Variants in MLXIP observed in about 807,000 individuals in gnomAD.
MLXIP encodes the protein MLX interacting protein, also known as MLX-interacting protein.
Under a neutral mutation model 87.2 loss-of-function variants are expected in MLXIP, and 30 were observed. That is an observed-to-expected ratio of 0.34 (90% CI 0.26 to 0.47). The LOEUF (loss-of-function observed/expected upper bound fraction) is 0.47. Ranked by LOEUF, MLXIP falls within the 20% of genes least tolerant of loss-of-function variation. The probability of loss-of-function intolerance (pLI) is 1.00; values close to 1 mark genes in which losing one functional copy is unlikely to be tolerated. For synonymous variants in MLXIP, 530 were observed against 514.0 expected (o/e 1.03, Z -0.42); for missense variants, 1,002 against 1,240.1 (o/e 0.81, Z 2.88).
chr12:122,079,963 G>A (rs1952067964), intron 1 of MLXIP, among the ~76,000 whole-genome samples: 1 of 152,174 alleles, frequency 6.6e-6, no homozygotes, highest in African/African-American at 2.4e-5. Flanking sequence ...AAGTTGGAGG[G>A]TTTTCTGGCC....
rs557568463 is a variant in MLXIP, at chr12:122,144,785, G to A, written c.*2973G>A. 41 of 152,360 alleles carry A rather than the reference G, an allele frequency of 2.7e-4. No homozygotes were observed. Among genetic ancestry groups the A allele is most frequent in the African/African-American group, 9.9e-4 (41 of 41,546 alleles). The allele number at this position is 152,360 out of a possible 1,614,324, so 9.4% of individuals were successfully genotyped here. A position where few individuals can be genotyped will look rare whatever the true frequency, so the allele number is the denominator to read the frequency against. ...GCCTGTAATCCCAGCTACTCGGGAG[G>A]CTGAGTCAGGAGAATCACTTGAACC... On this transcript the variant is annotated 3_prime_UTR_variant, in exon 17 of 17. Transcript: ENST00000319080.
chr12:122,107,371 G>A (rs1466778239), intron 1 of MLXIP, among the ~76,000 whole-genome samples: 4 of 152,166 alleles, frequency 2.6e-5, no homozygotes, highest in Non-Finnish European at 4.4e-5. Context: ...CTCCAGCTCC[G>A]CAGCACCTTT....
At chr12:122,094,731 CAT>C (rs1176635488) in intron 1 of MLXIP, among the ~76,000 whole-genome samples, 3 of 110,474 alleles carry the variant, frequency 2.7e-5, no homozygotes, top group East Asian at 3.0e-4. Flanking sequence ...GGTGTGTTGG[CAT>C]GTGTGTGGTA....
At chr12:122,114,681 A>G (rs1411889074) in intron 1 of MLXIP, among the ~76,000 whole-genome samples, 1 of 151,334 alleles carries the variant, frequency 6.6e-6, no homozygotes, top group African/African-American at 2.4e-5. Context: ...GGGGCCTAGA[A>G]TTCACCTCCC....
chr12:122,103,175 ATATG>A (rs199580759), intron 1 of MLXIP, among the ~76,000 whole-genome samples: 14,931 of 106,956 alleles, frequency 0.14, 986 homozygotes, highest in East Asian at 0.3. Flanking sequence ...GGCTAATTTT[ATATG>A]TATGTATGTA....
intron 1 of MLXIP, among the ~76,000 whole-genome samples, chr12:122,115,930 A>C (rs549090439): frequency 1.3e-5 from 2 of 152,136 alleles, no homozygotes; most frequent in East Asian, 1.9e-4. Context: ...CAGTACCTGT[A>C]ATCCCAGCTA....
At chr12:122,080,727 C>T (rs1278354078) in intron 1 of MLXIP, among the ~76,000 whole-genome samples, 5 of 152,150 alleles carry the variant, frequency 3.3e-5, no homozygotes, top group African/African-American at 1.2e-4. Flanking sequence ...TTTTAAAAAA[C>T]AAATGGTGTT....
intron 1 of MLXIP, among the ~76,000 whole-genome samples, chr12:122,110,454 A>C (rs1312442041): frequency 6.6e-6 from 1 of 151,702 alleles, no homozygotes; most frequent in African/African-American, 2.4e-5. Context: ...CGCCCGGCTA[A>C]TTTTGTATTT....
intron 1 of MLXIP, among the ~76,000 whole-genome samples, chr12:122,101,566 ATTTTTTTCTTT>A (rs1565964452): frequency 2.2e-5 from 3 of 136,620 alleles, no homozygotes; most frequent in Admixed American, 1.5e-4. Context: ...TTATTTATTT[ATTTTTTTCTTT>A]TTTTTTCTTT....
At position 122,133,442 on chromosome 12, in the gene MLXIP, A is replaced by G. The variant is rs7978353; in HGVS notation, c.1187A>G (p.Glu396Gly). 669,355 of 1,612,034 alleles carry G rather than the reference A, an allele frequency of 0.42. 140,412 individuals are homozygous for G. Among genetic ancestry groups the G allele is most frequent in the African/African-American group, 0.5 (37,512 of 74,656 alleles). ...GCCCCATCCCTGGCTCACATGGATGAGCAGGGCTGTGAACACACCTCCCGG... is the reference window on the plus strand; with the variant it reads ...GCCCCATCCCTGGCTCACATGGATGGGCAGGGCTGTGAACACACCTCCCGG... ...PTAPSLAHMD[E>G]QGCEHTSRTE... The change falls in exon 9 of 17, where the codon GAG (glutamate) becomes GGG (glycine). Residue 396 changes from glutamate (E) to glycine (G), a missense_variant. Physicochemically the swap from Glu to Gly is moderately conservative, Grantham distance 98. This residue lies in a region of MLXIP where 746 missense variants were observed against 897.0 expected (regional missense o/e 0.83). Transcript: ENST00000319080. The surrounding 1 kb of genome is among the most constrained non-coding windows in gnomAD (Gnocchi z 4.9).
chr12:122,081,194 C>T (rs1462432125), intron 1 of MLXIP, among the ~76,000 whole-genome samples: 1 of 152,074 alleles, frequency 6.6e-6, no homozygotes, highest in African/African-American at 2.4e-5. Context: ...TTATCTTGCT[C>T]TCTTGGCTCT....
intron 1 of MLXIP, among the ~76,000 whole-genome samples, chr12:122,110,604 T>C (rs1952590441): frequency 6.6e-6 from 1 of 151,748 alleles, no homozygotes; most frequent in Non-Finnish European, 1.5e-5. Flanking sequence ...CGCTTATCTT[T>C]ACCAAAAAAA....
At position 122,130,801 on chromosome 12, in the gene MLXIP, G is replaced by A. The variant is rs576748074; in HGVS notation, c.911-43G>A. Reference sequence around the variant, plus strand: ...GCCTTTTTTACGTTCCTGCAACATTGTCTGAGAAGACAAAATGGTTCCTCT... The same window carrying A: ...GCCTTTTTTACGTTCCTGCAACATTATCTGAGAAGACAAAATGGTTCCTCT... On this transcript the variant is annotated intron_variant, in intron 6 of 16. Transcript: ENST00000319080. The A allele has an allele frequency of 3.8e-5, 54 of 1,414,124 alleles. 1 individual carries two copies. The highest frequency in any genetic ancestry group is 2.6e-4 in the South Asian group (23 of 87,132). 87.6% of individuals were successfully genotyped at this position (1,414,124 alleles called of 1,614,324 possible). A position where few individuals can be genotyped will look rare whatever the true frequency, so the allele number is the denominator to read the frequency against.
At chr12:122,104,002 G>C (rs1952481090) in intron 1 of MLXIP, among the ~76,000 whole-genome samples, 1 of 152,138 alleles carries the variant, frequency 6.6e-6, no homozygotes, top group Non-Finnish European at 1.5e-5. Context: ...TGAGTGAACT[G>C]TGTGGTATGT....
At chr12:122,121,621 T>C (rs1404574554) in intron 1 of MLXIP, among the ~76,000 whole-genome samples, 1 of 152,046 alleles carries the variant, frequency 6.6e-6, no homozygotes, top group East Asian at 1.9e-4. Context: ...CAGGAGTTCG[T>C]CCCAGCCAGA....
In MLXIP at chr12:122,078,986, G is replaced by C; in HGVS notation, c.133G>C (p.Gly45Arg). 1 of 1,093,122 alleles carries C rather than the reference G, an allele frequency of 9.1e-7. No individual in the cohort carries two copies. Among genetic ancestry groups the C allele is most frequent in the Non-Finnish European group, 1.1e-6 (1 of 897,228 alleles). 67.7% of individuals were successfully genotyped at this position (1,093,122 alleles called of 1,614,324 possible). A position where few individuals can be genotyped will look rare whatever the true frequency, so the allele number is the denominator to read the frequency against. ...TGAGCCGTCCCCGCCGCCCGCCTCC[G>C]GCGCGGCCACCCCGGCCCGGGCCCA... Reference protein sequence around the residue: ...TDEPSPPPASGAATPARAHAS... With the variant: ...TDEPSPPPASRAATPARAHAS... Residue 45 changes from glycine (G) to arginine (R), a missense_variant, in exon 1 of 17, where the codon GGC (glycine) becomes CGC (arginine). Gly to Arg is a moderately radical substitution (Grantham distance 125). Transcript: ENST00000319080.
In MLXIP at chr12:122,138,900, G is replaced by A. The variant is rs778593659; in HGVS notation, c.2470G>A (p.Val824Met). 1.9e-6 allele frequency: 3 copies of A among 1,613,926 alleles called. No homozygotes were observed. The highest frequency in any genetic ancestry group is 1.7e-6 in the Non-Finnish European group (2 of 1,179,914). The change falls in exon 15 of 17, where the codon GTG becomes ATG. Residue 824 changes from valine (V) to methionine (M), a missense_variant. Physicochemically the swap from Val to Met is conservative, Grantham distance 21 (BLOSUM62 1). This residue lies in a region of MLXIP where 746 missense variants were observed against 897.0 expected (regional missense o/e 0.83). Coordinates refer to ENST00000319080, the MANE Select transcript of MLXIP (RefSeq NM_014938.6). The part of the protein sequence containing the change: ...DHMKDMFDEY[V>M]KTRTLQNWKF... ...CATGAAAGACATGTTTGACGAATAC[G>A]TGAAAACCCGGACCTTGCAGAATTG...
intron 1 of MLXIP, among the ~76,000 whole-genome samples, chr12:122,082,277 G>A (rs1952102492): frequency 6.6e-6 from 1 of 152,180 alleles, no homozygotes; most frequent in African/African-American, 2.4e-5. Context: ...GTCTTGATTT[G>A]GTCCAGAAAC....
Position 122,141,746 on chromosome 12 carries a change from G to A in MLXIP, c.2694G>A (p.Pro898=), listed in dbSNP as rs368247609. The part of the protein sequence containing the change: ...LSTSTSILTD[P]AQLPEQASKA... The stretch of plus-strand genomic sequence containing the variant: ...CCTCCACCTCCATCCTCACAGACCC[G>A]GCACAGCTGCCAGAGCAGGCGTCCA... The change falls in exon 17 of 17, where the codon CCG becomes CCA. Residue 898 remains proline, a synonymous_variant. Transcript: ENST00000319080. 115 of 1,613,728 alleles carry A rather than the reference G, an allele frequency of 7.1e-5. No homozygotes were observed. Among genetic ancestry groups the A allele is most frequent in the East Asian group, 8.9e-5 (4 of 44,894 alleles).
Sources: allele counts gnomAD v4.1 joint callset (sites outside exome capture counted in the v4.1 genomes callset), GRCh38; gene constraint gnomAD v4.1.1; regional missense constraint gnomAD v4.1.1; non-coding constraint Gnocchi (gnomAD v3.1); transcripts MANE v1.5; gene names NCBI Gene and HGNC (gene_info 2026-07-23, HGNC 2026-07-21).